Variants in AK9 observed in about 807,000 individuals in gnomAD.
AK9 encodes adenylate kinase domain containing 1.
Under a neutral mutation model 239.6 loss-of-function variants are expected in AK9, and 191 were observed. The ratio of observed to expected loss-of-function variants is 0.80; its 90% confidence interval spans 0.71 to 0.90. The LOEUF is 0.90. Ranked by LOEUF, AK9 falls within the 40% of genes least tolerant of loss-of-function variation. The pLI, the probability that AK9 is intolerant of heterozygous loss-of-function variation, is 0.00. For synonymous variants in AK9, 689 were observed against 721.0 expected (o/e 0.96, Z 0.71); for missense variants, 1,995 against 2,214.7 (o/e 0.90, Z 1.99).
chr6:109,641,705 T>C (rs1562536377), intron 9 of AK9, 89 bp from the exon 10 acceptor site: 1 of 1,052,188 alleles, frequency 9.5e-7, no homozygotes, highest in South Asian at 1.4e-5. Context: ...GCCAAGACCA[T>C]GCTCCCCCTG....
chr6:109,573,346 G>C, intron 21 of AK9, 96 bp downstream of exon 21: 2 of 1,288,248 alleles, frequency 1.6e-6, no homozygotes, highest in Non-Finnish European at 2.0e-6. Flanking sequence ...TTCTCAGCCA[G>C]CTTCCATTTT....
chr6:109,506,249 T>G, intron 35 of AK9, 78 bp downstream of exon 35: 1 of 1,328,808 alleles, frequency 7.5e-7, no homozygotes, highest in Admixed American at 1.8e-5. Flanking sequence ...TCAAATGGAA[T>G]GAATTACAGT....
intron 17 of AK9, among the ~76,000 whole-genome samples, chr6:109,596,914 T>G (rs1209824810): frequency 6.6e-6 from 1 of 152,162 alleles, no homozygotes; most frequent in African/African-American, 2.4e-5. Flanking sequence ...TCATTCAACC[T>G]TTTTTTGAAA....
intron 17 of AK9, among the ~76,000 whole-genome samples, chr6:109,599,003 A>G (rs1412104308): frequency 2.0e-5 from 3 of 151,778 alleles, no homozygotes; most frequent in Non-Finnish European, 4.4e-5. Flanking sequence ...GATTGCAAAA[A>G]TTTTCTCCCA....
At chr6:109,541,804 T>C (rs1389351351) in intron 27 of AK9, among the ~76,000 whole-genome samples, 1 of 152,244 alleles carries the variant, frequency 6.6e-6, no homozygotes, top group Non-Finnish European at 1.5e-5. Flanking sequence ...CTGAGGGTAC[T>C]GAAAAATATC....
At chr6:109,497,383 CT>C in intron 38 of AK9, 81 bp downstream of exon 38, 1 of 468,284 alleles carries the variant, frequency 2.1e-6, no homozygotes, top group Non-Finnish European at 3.8e-6. Context: ...CTCTCTCTCT[CT>C]CACACACTCC....
intron 21 of AK9, among the ~76,000 whole-genome samples, chr6:109,567,974 A>G (rs1430701681): frequency 6.6e-6 from 1 of 152,102 alleles, no homozygotes; most frequent in East Asian, 1.9e-4. Flanking sequence ...AGGCACAACA[A>G]AAAAAGAGAA....
chr6:109,619,522 A>G (rs1346530535), intron 12 of AK9, among the ~76,000 whole-genome samples: 1 of 152,162 alleles, frequency 6.6e-6, no homozygotes, highest in Non-Finnish European at 1.5e-5. Flanking sequence ...ACAGAAGTTA[A>G]AACATATATA....
At chr6:109,505,405 T>C (rs1285531835) in intron 35 of AK9, among the ~76,000 whole-genome samples, 1 of 152,224 alleles carries the variant, frequency 6.6e-6, no homozygotes, top group Non-Finnish European at 1.5e-5. Context: ...TCCTTGTATT[T>C]TGTGTATTTT....
At chr6:109,597,664 C>A (rs1791232483) in intron 17 of AK9, among the ~76,000 whole-genome samples, 1 of 127,146 alleles carries the variant, frequency 7.9e-6, no homozygotes, top group Non-Finnish European at 1.6e-5. Flanking sequence ...CAGAGAGAGA[C>A]ACCGTCTCAA....
At chr6:109,641,932 T>C (rs1797504065) in intron 9 of AK9, among the ~76,000 whole-genome samples, 1 of 152,192 alleles carries the variant, frequency 6.6e-6, no homozygotes, top group Non-Finnish European at 1.5e-5. Flanking sequence ...CCTCAACATA[T>C]CTTTTTGAGG....
intron 17 of AK9, among the ~76,000 whole-genome samples, chr6:109,608,584 G>C (rs1319946032): frequency 6.6e-6 from 1 of 151,996 alleles, no homozygotes; most frequent in Non-Finnish European, 1.5e-5. Flanking sequence ...GTTTCAAATG[G>C]ACCTTAGATC....
At chr6:109,671,031 A>G (rs1362479278) in intron 5 of AK9, among the ~76,000 whole-genome samples, 1 of 152,132 alleles carries the variant, frequency 6.6e-6, no homozygotes, top group Non-Finnish European at 1.5e-5. Context: ...GGGACATTCT[A>G]TGTATCATCT....
intron 9 of AK9, among the ~76,000 whole-genome samples, chr6:109,642,989 A>G (rs1797643508): frequency 6.6e-6 from 1 of 152,170 alleles, no homozygotes; most frequent in East Asian, 1.9e-4. Flanking sequence ...TCTCTTAAGG[A>G]GTGAGGGTAA....
At chr6:109,570,347 G>A (rs1435451364) in intron 21 of AK9, among the ~76,000 whole-genome samples, 1 of 152,008 alleles carries the variant, frequency 6.6e-6, no homozygotes, top group Admixed American at 6.6e-5. Flanking sequence ...GTTAACGGGT[G>A]CAGCACACCA....
chr6:109,665,018 C>G (rs1319458218), intron 5 of AK9, among the ~76,000 whole-genome samples: 1 of 151,966 alleles, frequency 6.6e-6, no homozygotes, highest in Non-Finnish European at 1.5e-5. Context: ...CCAGCCTGGG[C>G]AACAGAGCGA....
At position 109,509,353 on chromosome 6, in the gene AK9, C is replaced by A. The variant is rs1778444910; in HGVS notation, c.4307G>T (p.Gly1436Val). The change falls in exon 33 of 41, where the codon GGG becomes GTG. Residue 1436 changes from glycine to valine, a missense_variant. Gly to Val is a moderately radical substitution (Grantham distance 109). Transcript: ENST00000424296. Reference protein sequence around the residue: ...TVAKKITSEYGLKHLSIGGAL... With the variant: ...TVAKKITSEYVLKHLSIGGAL... ...TCCTCCTATTGATAAATGCTTTAAC[C>A]CATATTCACTTGTAATTTTTTTGGC... 1 of 1,550,244 alleles carries A rather than the reference C, an allele frequency of 6.5e-7. No homozygotes were observed. The highest frequency in any genetic ancestry group is 1.4e-5 in the African/African-American group (1 of 72,942).
chr6:109,566,102 T>G (rs1786475123), intron 21 of AK9, among the ~76,000 whole-genome samples: 1 of 152,004 alleles, frequency 6.6e-6, no homozygotes, highest in Non-Finnish European at 1.5e-5. Flanking sequence ...CTAGCCTCAG[T>G]CTAGAAGAGC....
chr6:109,600,007 A>G (rs1791681124), intron 17 of AK9, among the ~76,000 whole-genome samples: 1 of 152,200 alleles, frequency 6.6e-6, no homozygotes, highest in African/African-American at 2.4e-5. Flanking sequence ...TAGATATACA[A>G]TCATGTCATC....
Sources: allele counts gnomAD v4.1 joint callset (sites outside exome capture counted in the v4.1 genomes callset), GRCh38; gene constraint gnomAD v4.1.1; transcripts MANE v1.5; gene names NCBI Gene and HGNC (gene_info 2026-07-23, HGNC 2026-07-21).